The following NAV3 variants were observed in gnomAD, a reference collection of about 807,000 sequenced individuals.
NAV3 encodes pore membrane and/or filament interacting like protein 1.
A neutral mutation model predicts 244.7 loss-of-function variants in NAV3; 87 were observed. The observed-to-expected ratio is 0.36, with a 90% CI of 0.30 to 0.42. The LOEUF is 0.42. Among genes scored for constraint, NAV3 ranks in the 20% least tolerant of loss-of-function variants. The probability of loss-of-function intolerance (pLI) is 1.00; values close to 1 mark genes in which losing one functional copy is unlikely to be tolerated. For missense variants in NAV3, 2,663 were observed against 2,893.3 expected, an observed-to-expected ratio of 0.92 and a Z score of 1.83; for synonymous variants, 1,126 against 1,042.2, an observed-to-expected ratio of 1.08 and a Z score of -1.55.
chr12:78,211,829 G>T lies in NAV3; in HGVS notation c.*1312G>T, dbSNP rs2140148626. 1 of 152,674 alleles carries T rather than the reference G, an allele frequency of 6.5e-6. No homozygotes were observed. Among genetic ancestry groups the T allele is most frequent in the South Asian group, 2.1e-4 (1 of 4,832 alleles). The allele number at this position is 152,674 out of a possible 1,614,324, so 9.5% of individuals were successfully genotyped here. ...CATTAAAGAACACTGAAGCGGTAAG[G>T]TCACTGTGGAAGAGGAAGCGTTTAT... On this transcript the variant is annotated 3_prime_UTR_variant, in exon 40 of 40. Transcript: ENST00000397909.
At chr12:78,002,701 T>A (rs1436858393) in intron 7 of NAV3, among the ~76,000 whole-genome samples, 3 of 152,152 alleles carry the variant, frequency 2.0e-5, no homozygotes, top group Non-Finnish European at 2.9e-5. Flanking sequence ...GTGATCTAAT[T>A]ATGCATTTTA....
chr12:77,599,004 C>T (rs1329631325), intron 2 of NAV3, among the ~76,000 whole-genome samples: 1 of 151,858 alleles, frequency 6.6e-6, no homozygotes, highest in Non-Finnish European at 1.5e-5. Flanking sequence ...CTCTCCATGC[C>T]ATCCCTCCAA....
intron 1 of NAV3, among the ~76,000 whole-genome samples, chr12:77,880,987 A>C (rs1035608608): frequency 6.6e-6 from 1 of 152,134 alleles, no homozygotes; most frequent in Non-Finnish European, 1.5e-5. Context: ...AGGTCTTGCT[A>C]TTGCTACATT....
At chr12:77,823,173 C>T (rs1411293483) in intron 2 of NAV3, among the ~76,000 whole-genome samples, 1 of 152,074 alleles carries the variant, frequency 6.6e-6, no homozygotes, top group East Asian at 1.9e-4. Context: ...AGAAGTTTTG[C>T]TGACCCTTAG....
At position 77,873,734 on chromosome 12, in the gene NAV3, A is replaced by ATGTGTGTGTGTG. The variant is rs374693432; in HGVS notation, c.243+42041_243+42042insGTGTGTGTGTGT. On this transcript the variant is annotated intron_variant, in intron 1 of 39. Transcript: ENST00000397909. ...ACATGATTTGCTTATCTAAATACAT[A>ATGTGTGTGTGTG]TGTGTGTGTGTATATATATATATAT... 1.4e-3 allele frequency among the ~76,000 whole-genome samples: 118 copies of ATGTGTGTGTGTG among 85,292 alleles called. 1 individual carries two copies. The highest frequency in any genetic ancestry group is 3.1e-3 in the African/African-American group (88 of 28,300). 56.0% of individuals were successfully genotyped at this position (85,292 alleles called of 152,430 possible). A position where few individuals can be genotyped will look rare whatever the true frequency, so the allele number is the denominator to read the frequency against.
intron 2 of NAV3, among the ~76,000 whole-genome samples, chr12:77,659,375 G>A (rs1421846605): frequency 1.3e-5 from 2 of 151,998 alleles, no homozygotes; most frequent in East Asian, 3.8e-4. Context: ...ACCATCACTG[G>A]CCATCAGAGA....
chr12:78,157,293 C>T (rs1476218703), intron 22 of NAV3, among the ~76,000 whole-genome samples: 1 of 151,646 alleles, frequency 6.6e-6, no homozygotes, highest in Non-Finnish European at 1.5e-5. Context: ...ACCTATAATC[C>T]CAGCCAACAC....
At chr12:78,190,490 T>A (rs909025570) in intron 34 of NAV3, among the ~76,000 whole-genome samples, 4 of 152,038 alleles carry the variant, frequency 2.6e-5, no homozygotes, top group Non-Finnish European at 5.9e-5. Context: ...ATGGTTTCTC[T>A]TAGACATCCA....
At chr12:77,616,498 T>G (rs1193222762) in intron 2 of NAV3, among the ~76,000 whole-genome samples, 2 of 152,136 alleles carry the variant, frequency 1.3e-5, no homozygotes, top group Non-Finnish European at 2.9e-5. Flanking sequence ...ATATATAATG[T>G]GGTACAATCA....
chr12:77,584,429 A>T (rs1289170363), intron 2 of NAV3, among the ~76,000 whole-genome samples: 1 of 151,910 alleles, frequency 6.6e-6, no homozygotes, highest in Non-Finnish European at 1.5e-5. Flanking sequence ...TACCAAAAAA[A>T]AAATTTTTTT....
intron 38 of NAV3, among the ~76,000 whole-genome samples, chr12:78,203,630 T>C (rs979928450): frequency 6.6e-6 from 1 of 152,016 alleles, no homozygotes; most frequent in African/African-American, 2.4e-5. Context: ...CCCTTTTGTC[T>C]TTACTGAACC....
At chr12:77,835,390 C>G (rs563535519) in intron 1 of NAV3, among the ~76,000 whole-genome samples, 1 of 152,276 alleles carries the variant, frequency 6.6e-6, no homozygotes, top group South Asian at 2.1e-4. Context: ...GTGGGGTACT[C>G]TGCTAGTCCT....
chr12:78,080,567 T>G (rs938257182), intron 12 of NAV3, among the ~76,000 whole-genome samples: 2 of 152,338 alleles, frequency 1.3e-5, no homozygotes, highest in Admixed American at 1.3e-4. Flanking sequence ...GTATCAGTAT[T>G]GATTATGACT....
At chr12:77,883,336 C>G (rs1882892680) in intron 1 of NAV3, among the ~76,000 whole-genome samples, 1 of 152,024 alleles carries the variant, frequency 6.6e-6, no homozygotes, top group Non-Finnish European at 1.5e-5. Context: ...CAAATTAACA[C>G]AAGAATGGAA....
chr12:77,789,811 GAAAAGA>G (rs1340542210), intron 2 of NAV3, among the ~76,000 whole-genome samples: 1 of 29,174 alleles, frequency 3.4e-5, no homozygotes, highest in African/African-American at 1.3e-4. Flanking sequence ...ACTTCGTCTC[GAAAAGA>G]AAAAAAAAAA....
At chr12:77,997,987 A>C (rs1038602144) in intron 6 of NAV3, among the ~76,000 whole-genome samples, 2 of 152,246 alleles carry the variant, frequency 1.3e-5, no homozygotes, top group Admixed American at 6.5e-5. Flanking sequence ...CTGAGAACAT[A>C]AAGTTAAGTG....
chr12:77,589,010 C>A (rs2136708135), intron 2 of NAV3, among the ~76,000 whole-genome samples: 1 of 152,174 alleles, frequency 6.6e-6, no homozygotes, highest in East Asian at 1.9e-4. Flanking sequence ...CTGGACTGAG[C>A]TTTTAAAGTG....
chr12:77,674,145 G>A (rs1462473952), intron 2 of NAV3, among the ~76,000 whole-genome samples: 2 of 152,040 alleles, frequency 1.3e-5, no homozygotes, highest in Admixed American at 6.6e-5. Context: ...TGTAAAAATA[G>A]CAAACCATTT....
At chr12:78,174,842 T>C (rs1211624758) in intron 24 of NAV3, among the ~76,000 whole-genome samples, 2 of 152,028 alleles carry the variant, frequency 1.3e-5, no homozygotes, top group Admixed American at 6.6e-5. Context: ...TTGGCTCTAA[T>C]ATGGTATGAT....
Sources: gnomAD v4.1 joint callset for allele counts (sites outside exome capture counted in the v4.1 genomes callset) on GRCh38, gnomAD v4.1.1 for gene constraint, MANE v1.5 for transcripts, NCBI Gene and HGNC (gene_info 2026-07-23, HGNC 2026-07-21) for gene names.